The following IFT43 variants were observed in gnomAD, a reference collection of about 807,000 sequenced individuals.
The protein encoded by IFT43 is intraflagellar transport 43, also known as intraflagellar transport protein 43 homolog.
IFT43 carries 33 observed loss-of-function variants against 32.3 expected under a neutral mutation model. The ratio of observed to expected loss-of-function variants is 1.02; its 90% CI spans 0.77 to 1.37. IFT43 has a LOEUF of 1.37. IFT43 is among the 40% of genes most tolerant of loss of function. The pLI, the probability that IFT43 is intolerant of heterozygous loss-of-function variation, is 0.00. For synonymous variants in IFT43, 93 were observed against 98.2 expected (o/e 0.95, Z 0.31); for missense variants, 274 against 265.9 (o/e 1.03, Z -0.21).
intron 3 of IFT43, among the ~76,000 whole-genome samples, chr14:76,028,657 A>C (rs1594828377): frequency 6.6e-6 from 1 of 151,878 alleles, no homozygotes; most frequent in Admixed American, 6.6e-5. Context: ...TCCCTCCTCT[A>C]TGTCTATATG....
intron 5 of IFT43, among the ~76,000 whole-genome samples, chr14:76,074,481 C>G (rs1182359344): frequency 6.6e-6 from 1 of 152,132 alleles, no homozygotes; most frequent in Non-Finnish European, 1.5e-5. Context: ...GCAGGTGACG[C>G]CAGGGTCCTC....
At chr14:76,072,584 C>T (rs983299009) in intron 5 of IFT43, among the ~76,000 whole-genome samples, 1 of 152,154 alleles carries the variant, frequency 6.6e-6, no homozygotes, top group African/African-American at 2.4e-5. Flanking sequence ...AAATGGAAGT[C>T]TTGTGCACGC....
intron 3 of IFT43, among the ~76,000 whole-genome samples, chr14:76,040,788 A>C (rs1014529658): frequency 2.6e-5 from 4 of 152,190 alleles, no homozygotes; most frequent in Non-Finnish European, 4.4e-5. Flanking sequence ...AGTCCTCCTG[A>C]CAAGTGACCC....
chr14:76,022,701 C>G (rs1024393375), intron 3 of IFT43: 47 of 224,574 alleles, frequency 2.1e-4, no homozygotes, highest in African/African-American at 9.2e-4. Context: ...TCAACTTTCT[C>G]TCTCTCTGAT....
chr14:76,042,005 C>A (rs944992689), intron 3 of IFT43, among the ~76,000 whole-genome samples: 2 of 152,052 alleles, frequency 1.3e-5, no homozygotes, highest in South Asian at 4.1e-4. Context: ...GAAATTTGCA[C>A]CTTCATCCTC....
intron 2 of IFT43, among the ~76,000 whole-genome samples, chr14:76,008,558 G>A (rs2036021080): frequency 6.6e-6 from 1 of 152,100 alleles, no homozygotes; most frequent in Non-Finnish European, 1.5e-5. Flanking sequence ...CAGCTAGAAA[G>A]AGACATTTCT....
intron 3 of IFT43, among the ~76,000 whole-genome samples, chr14:76,027,121 A>G (rs966850815): frequency 4.6e-5 from 7 of 152,168 alleles, no homozygotes; most frequent in Admixed American, 1.3e-4. Context: ...CAGGAAAAAT[A>G]ACTACTGGGT....
At chr14:76,077,883 C>T (rs2037438782) in intron 5 of IFT43, among the ~76,000 whole-genome samples, 1 of 152,196 alleles carries the variant, frequency 6.6e-6, no homozygotes, top group African/African-American at 2.4e-5. Context: ...GCTTCAGCTG[C>T]CCTGTCCTCA....
At chr14:76,076,821 T>G in intron 5 of IFT43, 1 of 1,034,768 alleles carries the variant, frequency 9.7e-7, no homozygotes, top group Non-Finnish European at 1.5e-6. Flanking sequence ...CAAATGGCAG[T>G]TGCCCTCACA....
intron 5 of IFT43, among the ~76,000 whole-genome samples, chr14:76,068,222 A>G (rs1406508734): frequency 1.3e-5 from 2 of 152,216 alleles, no homozygotes; most frequent in Admixed American, 6.5e-5. Context: ...TGAAGGATGG[A>G]TAAGAGTTGG....
At chr14:76,002,872 A>G (rs559411421) in intron 2 of IFT43, among the ~76,000 whole-genome samples, 1 of 152,348 alleles carries the variant, frequency 6.6e-6, no homozygotes, top group East Asian at 1.9e-4. Flanking sequence ...CTGCGAGAGC[A>G]ACGAAGTCCG....
rs372841438 is a variant in IFT43, at chr14:76,004,066, A to G, written c.147+15089A>G. Among the ~76,000 whole-genome samples, 187 of 151,732 alleles carry G rather than the reference A, an allele frequency of 1.2e-3. 5 individuals are homozygous for G. The South Asian group carries it at 0.037, about 30-fold the overall frequency. On this transcript the variant is annotated intron_variant, in intron 2 of 8. Transcript: ENST00000314067. ...GCTGGGATTACAGGCGTGAACCACC[A>G]CCCCCAGCCCAGTTTGTCATTTTAC...
At chr14:76,084,055 G>A, downstream of IFT43, 1 of 446,922 alleles carries the variant, frequency 2.2e-6, no homozygotes, top group Non-Finnish European at 4.5e-6. Context: ...GCGGAGGGAG[G>A]AGGCGGCGGG....
In IFT43 at chr14:76,027,215, T is replaced by C. The variant is rs376038104; in HGVS notation, c.215+4821T>C. 1.5e-4 allele frequency among the ~76,000 whole-genome samples: 23 copies of C among 152,222 alleles called. No homozygotes were observed. In the East Asian group the frequency reaches 1.9e-3, roughly 13 times the overall value. On this transcript the variant is annotated intron_variant, in intron 3 of 8. Coordinates refer to ENST00000314067, the MANE Select transcript of IFT43 (RefSeq NM_001102564.3). ...TTTACCTGTATAACAAACCTGCACA[T>C]GTACACCTGAACTTAAAAGTTAAAT...
intron 2 of IFT43, among the ~76,000 whole-genome samples, chr14:76,017,324 T>C (rs2036207943): frequency 6.6e-6 from 1 of 152,216 alleles, no homozygotes; most frequent in African/African-American, 2.4e-5. Flanking sequence ...TTTTTATCCC[T>C]CATTCTATTG....
rs143914169 is a variant in IFT43 at position 76,022,345 on chromosome 14, C to G, written c.166C>G (p.Pro56Ala). ...LTGETSSAKLPRCRQGGWAGD... is the reference protein window; with the variant it reads ...LTGETSSAKLARCRQGGWAGD... ...CTTGTAGACTTCCTCTGCTAAATTA[C>G]CTCGCTGCCGACAGGGAGGCTGGGC... Residue 56 changes from proline (P) to alanine (A), a missense_variant, in exon 3 of 9, where the codon CCT becomes GCT. Physicochemically the swap from Pro to Ala is conservative, Grantham distance 27. Coordinates refer to ENST00000314067, the MANE Select transcript of IFT43 (RefSeq NM_001102564.3). 13 of 1,613,550 alleles carry G rather than the reference C, an allele frequency of 8.1e-6. No homozygotes were observed. Among genetic ancestry groups the G allele is most frequent in the Middle Eastern group, 1.6e-4 (1 of 6,062 alleles).
At chr14:76,052,137 TC>T (rs1594847734) in intron 3 of IFT43, among the ~76,000 whole-genome samples, 1 of 151,848 alleles carries the variant, frequency 6.6e-6, no homozygotes, top group African/African-American at 2.4e-5. Flanking sequence ...CAAGGACGCT[TC>T]CCCCCATTTA....
In IFT43 at chr14:76,028,894, C is replaced by G. The variant is rs142249564; in HGVS notation, c.215+6500C>G. ...CACCTAGTTTGATTCCATGTCTTTC[C>G]TCTTGTGAACAGTGCTACAATGAAT... On this transcript the variant is annotated intron_variant, in intron 3 of 8. Transcript: ENST00000314067. Among the ~76,000 whole-genome samples, 421 of 152,268 alleles carry G rather than the reference C, an allele frequency of 2.8e-3. 4 individuals carry two copies. Among genetic ancestry groups the G allele is most frequent in the African/African-American group, 9.6e-3 (400 of 41,552 alleles).
At chr14:76,060,829 T>A (rs201867554) in intron 5 of IFT43, among the ~76,000 whole-genome samples, 1 of 130,244 alleles carries the variant, frequency 7.7e-6, no homozygotes. Context: ...TCCCTCCCTT[T>A]CTTCCTTCCT....
Sources: allele counts gnomAD v4.1 joint callset (sites outside exome capture counted in the v4.1 genomes callset), GRCh38; gene constraint gnomAD v4.1.1; transcripts MANE v1.5; gene names NCBI Gene and HGNC (gene_info 2026-07-23, HGNC 2026-07-21).